Variants in ZNF280D observed in about 807,000 individuals in gnomAD.
ZNF280D encodes suppressor of hairy wing homolog 4.
A neutral mutation model predicts 94.7 loss-of-function variants in ZNF280D; 39 were observed. The ratio of observed to expected loss-of-function variants is 0.41; its 90% confidence interval spans 0.32 to 0.54. ZNF280D has a LOEUF of 0.54. Among genes scored for constraint, ZNF280D ranks in the 20% least tolerant of loss-of-function variants. ZNF280D has a pLI of 0.22. For missense variants in ZNF280D, 1,090 were observed against 1,149.3 expected, an observed-to-expected ratio of 0.95 and a Z score of 0.75; for synonymous variants, 398 against 377.6, an observed-to-expected ratio of 1.05 and a Z score of -0.63.
intron 1 of ZNF280D, among the ~76,000 whole-genome samples, chr15:56,718,349 T>G (rs1253212017): frequency 6.6e-6 from 1 of 152,144 alleles, no homozygotes; most frequent in African/African-American, 2.4e-5. Context: ...TTAAATTAAT[T>G]TCATTTTAAT....
At chr15:56,700,419 T>C (rs891115736) in intron 6 of ZNF280D, 23 of 701,002 alleles carry the variant, frequency 3.3e-5, no homozygotes, top group Non-Finnish European at 3.5e-5. Context: ...CAAACACTTA[T>C]ACATATTAAC....
chr15:56,718,524 T>C (rs1445486513), intron 1 of ZNF280D, among the ~76,000 whole-genome samples: 1 of 152,192 alleles, frequency 6.6e-6, no homozygotes, highest in Non-Finnish European at 1.5e-5. Context: ...TATTAATACA[T>C]AGAAAGGCTA....
chr15:56,711,950 G>A (rs562443110), intron 1 of ZNF280D, among the ~76,000 whole-genome samples: 27 of 152,162 alleles, frequency 1.8e-4, no homozygotes, highest in African/African-American at 5.5e-4. Flanking sequence ...ACTGAATACC[G>A]CAGGCAATTA....
chr15:56,676,555 T>C, intron 13 of ZNF280D, 115 bp downstream of exon 13: 1 of 846,608 alleles, frequency 1.2e-6, no homozygotes, highest in Non-Finnish European at 1.7e-6. Context: ...AAATTAATAG[T>C]GTCATTTGGA....
intron 1 of ZNF280D, among the ~76,000 whole-genome samples, chr15:56,707,908 A>C (rs1453618871): frequency 3.3e-5 from 5 of 151,822 alleles, no homozygotes; most frequent in African/African-American, 7.3e-5. Flanking sequence ...TATGTCAATA[A>C]TTTATTTGGC....
intron 16 of ZNF280D, among the ~76,000 whole-genome samples, chr15:56,662,627 C>T (rs1374835275): frequency 3.3e-5 from 5 of 151,984 alleles, no homozygotes; most frequent in African/African-American, 9.7e-5. Flanking sequence ...GAGTTTGAGA[C>T]CAGCCTGGAC....
intron 9 of ZNF280D, among the ~76,000 whole-genome samples, chr15:56,686,374 G>A (rs1223457950): frequency 2.0e-5 from 3 of 152,116 alleles, no homozygotes; most frequent in African/African-American, 4.8e-5. Flanking sequence ...CCTGACCTCA[G>A]GTGATCTGCT....
At chr15:56,725,988 G>A (rs1369067461) in intron 1 of ZNF280D, among the ~76,000 whole-genome samples, 10 of 152,016 alleles carry the variant, frequency 6.6e-5, no homozygotes. Context: ...ATATTTTTTG[G>A]TGTAATCCAT....
intron 20 of ZNF280D, 23 bp downstream of exon 20, chr15:56,642,929 G>C: frequency 7.5e-6 from 11 of 1,472,192 alleles, no homozygotes; most frequent in Non-Finnish European, 9.9e-6. Flanking sequence ...AACCTTTAAG[G>C]TATAAAGTAA....
intron 6 of ZNF280D, among the ~76,000 whole-genome samples, chr15:56,694,599 T>C (rs2056635865): frequency 6.6e-6 from 1 of 151,838 alleles, no homozygotes; most frequent in Non-Finnish European, 1.5e-5. Context: ...GAAATGCAAA[T>C]AAAAACAACA....
In ZNF280D at chr15:56,631,381, T is replaced by G. The variant is rs1169593991; in HGVS notation, c.*117A>C. The G allele has an allele frequency of 1.9e-6, 2 of 1,055,106 alleles. No homozygotes were observed. Among genetic ancestry groups the G allele is most frequent in the African/African-American group, 1.6e-5 (1 of 62,974 alleles). The allele number at this position is 1,055,106 out of a possible 1,614,324, so 65.4% of individuals were successfully genotyped here. ...GTTGAACATACAGGTAAAGTGTATG[T>G]GTGACCTCCCTTACATATTTCCATT... On this transcript the variant is annotated 3_prime_UTR_variant, in exon 22 of 22. Transcript: ENST00000267807.
At chr15:56,711,204 C>T (rs1433011373) in intron 1 of ZNF280D, among the ~76,000 whole-genome samples, 1 of 152,156 alleles carries the variant, frequency 6.6e-6, no homozygotes, top group Non-Finnish European at 1.5e-5. Context: ...GCTTTTTATA[C>T]ATACATTTAC....
chr15:56,710,488 A>T (rs1419670733), intron 1 of ZNF280D, among the ~76,000 whole-genome samples: 1 of 152,132 alleles, frequency 6.6e-6, no homozygotes, highest in Admixed American at 6.5e-5. Flanking sequence ...TACAGATTAC[A>T]TGCCCATATT....
chr15:56,707,036 T>C (rs1429743221), intron 3 of ZNF280D, 46 bp downstream of exon 3: 1 of 1,587,930 alleles, frequency 6.3e-7, no homozygotes, highest in Non-Finnish European at 8.6e-7. Context: ...GGTAAAGTGA[T>C]ACAAAAGCCA....
chr15:56,686,037 T>C (rs903805821), intron 9 of ZNF280D, among the ~76,000 whole-genome samples: 2 of 151,922 alleles, frequency 1.3e-5, no homozygotes, highest in South Asian at 4.2e-4. Flanking sequence ...ATAACAGGGG[T>C]TGTGAGTCTA....
intron 19 of ZNF280D, chr15:56,645,418 T>C (rs2052831820): frequency 6.6e-6 from 1 of 152,232 alleles, no homozygotes; most frequent in Non-Finnish European, 1.5e-5. Flanking sequence ...GAAATAACTT[T>C]TCCCCTCTAT....
intron 20 of ZNF280D, among the ~76,000 whole-genome samples, chr15:56,640,787 A>G (rs2052589816): frequency 6.6e-6 from 1 of 152,156 alleles, no homozygotes; most frequent in Admixed American, 6.6e-5. Context: ...TCTGTTTAAG[A>G]CTGCACTAAG....
At chr15:56,665,805 T>C (rs16977033) in intron 16 of ZNF280D, among the ~76,000 whole-genome samples, 2,525 of 151,920 alleles carry the variant, frequency 0.017, 69 homozygotes, top group African/African-American at 0.058. Flanking sequence ...GTAACCATTA[T>C]TGAAACACCA....
chr15:56,679,455 G>A (rs2055471123), intron 10 of ZNF280D, among the ~76,000 whole-genome samples: 1 of 152,168 alleles, frequency 6.6e-6, no homozygotes, highest in Non-Finnish European at 1.5e-5. Context: ...TGTTAGCACA[G>A]ACTGTTCATC....
Sources: allele counts gnomAD v4.1 joint callset (sites outside exome capture counted in the v4.1 genomes callset), GRCh38; gene constraint gnomAD v4.1.1; transcripts MANE v1.5; gene names NCBI Gene and HGNC (gene_info 2026-07-23, HGNC 2026-07-21).